DEFA4: variants seen among roughly 807,000 people sequenced by gnomAD.
The protein encoded by DEFA4 is defensin alpha 4.
A neutral mutation model predicts 4.4 loss-of-function variants in DEFA4; 8 were observed. The observed-to-expected ratio is 1.82, with a 90% confidence interval of 1.07 to 3.29. The LOEUF (loss-of-function observed/expected upper bound fraction) is 3.29. Among genes scored for constraint, DEFA4 ranks in the 30% most tolerant of loss-of-function variants. The pLI is 0.00. For missense variants in DEFA4, 216 were observed against 127.0 expected (o/e 1.70, Z -3.37); for synonymous variants, 77 against 46.5 (o/e 1.66, Z -2.67).
intron 2 of DEFA4, 53 bp downstream of exon 2, chr8:6,936,675 T>A: frequency 6.8e-7 from 1 of 1,481,238 alleles, no homozygotes; most frequent in Non-Finnish European, 9.0e-7. Flanking sequence ...CCAGAGCCCA[T>A]CTCCCATCCG....
chr8:6,936,671 C>A, intron 2 of DEFA4, 57 bp downstream of exon 2: 2 of 1,471,942 alleles, frequency 1.4e-6, no homozygotes, highest in South Asian at 1.5e-5. Context: ...GATTCCAGAG[C>A]CCATCTCCCA....
At position 6,936,113 on chromosome 8, in the gene DEFA4, G is replaced by C. The variant is rs754112985; in HGVS notation, c.201C>G (p.Cys67Trp). Residue 67 changes from cysteine to tryptophan, a missense_variant, in exon 3 of 3, where the codon TGC (cysteine) becomes TGG (tryptophan). By Grantham distance (215) the Cys-to-Trp change is radical (BLOSUM62 -2). Transcript: ENST00000297435. ...SGSTRGMVCS[C>W]RLVFCRRTEL... ...CTGTTCGCCGGCAGAATACTAATCT[G>C]CAAGAGCAGACCATGCCCCTTGTTG... 1 of 1,614,006 alleles carries C rather than the reference G, an allele frequency of 6.2e-7. No individual in the cohort carries two copies. The highest frequency in any genetic ancestry group is 8.5e-7 in the Non-Finnish European group (1 of 1,180,014).
At position 6,938,237 on chromosome 8, in the gene DEFA4, C is replaced by T. The variant is rs1297885210; in HGVS notation, c.-24G>A. The T allele has an allele frequency of 6.6e-6, 1 of 152,170 alleles. No individual in the cohort carries two copies. The allele number at this position is 152,170 out of a possible 1,614,324, so 9.4% of individuals were successfully genotyped here. On this transcript the variant is annotated 5_prime_UTR_variant, in exon 1 of 3. Coordinates refer to ENST00000297435, the MANE Select transcript of DEFA4 (RefSeq NM_001925.3). The stretch of plus-strand genomic sequence containing the variant: ...TTTGTGTTACTTACAGATCCTCAAG[C>T]TAGGCAGGGCGAGCAGAGAGGGCAG...
chr8:6,935,971 C>T lies in DEFA4; in HGVS notation c.*49G>A. The T allele has an allele frequency of 1.2e-6, 2 of 1,611,644 alleles. No individual in the cohort carries two copies. Among genetic ancestry groups the T allele is most frequent in the South Asian group, 1.1e-5 (1 of 90,834 alleles). On this transcript the variant is annotated 3_prime_UTR_variant, in exon 3 of 3. Coordinates refer to ENST00000297435, the MANE Select transcript of DEFA4 (RefSeq NM_001925.3). ...GCTGCAGAAGCATGTGAAGCTAACA[C>T]CACCGATGATGGCGTTCCCAGCATG...
chr8:6,936,225 GGCTGACC>G, intron 2 of DEFA4, 84 bp from the exon 3 acceptor site: 1 of 1,569,692 alleles, frequency 6.4e-7, no homozygotes, highest in Non-Finnish European at 8.7e-7. Flanking sequence ...GTCACATGCT[GGCTGACC>G]GGTGATGCTG....
chr8:6,936,106 C>T lies in DEFA4; in HGVS notation c.208G>A (p.Val70Ile), dbSNP rs927269225. 1 of 1,613,912 alleles carries T rather than the reference C, an allele frequency of 6.2e-7. No individual in the cohort carries two copies. The highest frequency in any genetic ancestry group is 1.3e-5 in the African/African-American group (1 of 74,916). ...CGAAGTTCTGTTCGCCGGCAGAATA[C>T]TAATCTGCAAGAGCAGACCATGCCC... Reference protein sequence around the residue: ...TRGMVCSCRLVFCRRTELRVG... With the variant: ...TRGMVCSCRLIFCRRTELRVG... The change falls in exon 3 of 3, where the codon GTA becomes ATA. Residue 70 changes from valine (V) to isoleucine (I), a missense_variant. Physicochemically the swap from Val to Ile is conservative, Grantham distance 29. Transcript: ENST00000297435.
At chr8:6,936,618 A>G in intron 2 of DEFA4, 110 bp downstream of exon 2, 1 of 1,141,996 alleles carries the variant, frequency 8.8e-7, no homozygotes, top group Non-Finnish European at 1.2e-6. Context: ...AGGCCCAGAG[A>G]TGGTAAGTAA....
chr8:6,937,431 A>G (rs995673472), intron 1 of DEFA4, among the ~76,000 whole-genome samples: 1 of 152,108 alleles, frequency 6.6e-6, no homozygotes, highest in Non-Finnish European at 1.5e-5. Flanking sequence ...TGGGGTGAGT[A>G]GTCTCCTGTA....
chr8:6,936,360 C>G (rs1011227325), intron 2 of DEFA4, among the ~76,000 whole-genome samples: 1 of 152,140 alleles, frequency 6.6e-6, no homozygotes, highest in East Asian at 1.9e-4. Context: ...TGTGCTTTTG[C>G]CCCATCAGAC....
chr8:6,936,551 AAAG>A, intron 2 of DEFA4, among the ~76,000 whole-genome samples, 174 bp downstream of exon 2: 1 of 152,154 alleles, frequency 6.6e-6, no homozygotes, highest in Non-Finnish European at 1.5e-5. Flanking sequence ...GTCTTTGGAG[AAAG>A]AAGACTACTT....
Position 6,936,716 on chromosome 8 carries a change from G to C in DEFA4, c.172+12C>G. 2 of 1,577,926 alleles carry C rather than the reference G, an allele frequency of 1.3e-6. No homozygotes were observed. The highest frequency in any genetic ancestry group is 2.7e-5 in the African/African-American group (2 of 73,820). On this transcript the variant is annotated intron_variant, in intron 2 of 2. Coordinates refer to ENST00000297435, the MANE Select transcript of DEFA4 (RefSeq NM_001925.3). ...CTAGACTCGGTAGCTTTTTTATGCT[G>C]GCCTCTCTCACCTGAAACCTGAAGA...
Position 6,936,768 on chromosome 8 carries a change from A to T in DEFA4, c.132T>A (p.Ile44=). ...CAGAGCTTTTATCCCATGCAAAGGA[A>T]ATAGATATGTCCTGGTCTTCTGGCC... is the stretch of plus-strand genomic sequence containing the variant. ...QRGPEDQDIS[I]SFAWDKSSAL... Residue 44 remains isoleucine (I), a synonymous_variant, in exon 2 of 3, where the codon ATT becomes ATA. Transcript: ENST00000297435. The T allele has an allele frequency of 6.2e-7, 1 of 1,612,852 alleles. No homozygotes were observed. The highest frequency in any genetic ancestry group is 2.2e-5 in the East Asian group (1 of 44,852).
In DEFA4 at chr8:6,936,135, G is replaced by A. The variant is rs751364788; in HGVS notation, c.179C>T (p.Thr60Ile). ...KSSALQVSGS[T>I]RGMVCSCRLV... ...TCTGCAAGAGCAGACCATGCCCCTT[G>A]TTGAGCCTGGGAACACAGAGGAAGC... Residue 60 changes from threonine to isoleucine, a missense_variant, in exon 3 of 3, where the codon ACA (threonine) becomes ATA (isoleucine). By Grantham distance (89) the Thr-to-Ile change is moderately conservative. Transcript: ENST00000297435. The A allele has an allele frequency of 1.2e-6, 2 of 1,613,888 alleles. No homozygotes were observed. The highest frequency in any genetic ancestry group is 2.2e-5 in the South Asian group (2 of 90,982).
rs753429425 is a variant in DEFA4 at position 6,936,798 on chromosome 8, C to A, written c.102G>T (p.Gln34His). Residue 34 changes from glutamine to histidine, a missense_variant, in exon 2 of 3, where the codon CAG (glutamine) becomes CAT (histidine). Physicochemically the swap from Gln to His is conservative, Grantham distance 24. Coordinates refer to ENST00000297435, the MANE Select transcript of DEFA4 (RefSeq NM_001925.3). ...ARGDEAPGQE[Q>H]RGPEDQDISI... ...ATATGTCCTGGTCTTCTGGCCCACG[C>A]TGCTCCTGGCCTGGAGCCTCATCAC... The A allele has an allele frequency of 6.2e-7, 1 of 1,613,810 alleles. No individual in the cohort carries two copies. The highest frequency in any genetic ancestry group is 1.1e-5 in the South Asian group (1 of 90,870).
chr8:6,936,906 G>T lies in DEFA4; in HGVS notation c.-7C>A, dbSNP rs755303142. 2.5e-6 allele frequency: 4 copies of T among 1,589,430 alleles called. No individual in the cohort carries two copies. The highest frequency in any genetic ancestry group is 2.6e-6 in the Non-Finnish European group (3 of 1,165,816). ...GGAGGGCGATAATCCTCATGGCTGG[G>T]GTGACCTGGAGGAGGGAGAGCAGGA... On this transcript the variant is annotated 5_prime_UTR_variant, in exon 2 of 3. Transcript: ENST00000297435.
chr8:6,937,058 C>G (rs769974966), intron 1 of DEFA4, 147 bp from the exon 2 acceptor site: 5 of 609,570 alleles, frequency 8.2e-6, no homozygotes, highest in Non-Finnish European at 1.3e-5. Flanking sequence ...GATGCCGACT[C>G]CTATTGGCCT....
chr8:6,936,114 C>T lies in DEFA4; in HGVS notation c.200G>A (p.Cys67Tyr), dbSNP rs1373866978. 5 of 1,613,988 alleles carry T rather than the reference C, an allele frequency of 3.1e-6. No homozygotes were observed. Among genetic ancestry groups the T allele is most frequent in the Non-Finnish European group, 4.2e-6 (5 of 1,180,024 alleles). Residue 67 changes from cysteine (C) to tyrosine (Y), a missense_variant, in exon 3 of 3, where the codon TGC becomes TAC. Cys to Tyr is a radical substitution (Grantham distance 194). Coordinates refer to ENST00000297435, the MANE Select transcript of DEFA4 (RefSeq NM_001925.3). The part of the protein sequence containing the change: ...SGSTRGMVCS[C>Y]RLVFCRRTEL... ...TGTTCGCCGGCAGAATACTAATCTG[C>T]AAGAGCAGACCATGCCCCTTGTTGA...
chr8:6,938,176 G>T (rs867593270), intron 1 of DEFA4, 50 bp downstream of exon 1: 1 of 152,146 alleles, frequency 6.6e-6, no homozygotes, highest in South Asian at 2.1e-4. Flanking sequence ...TGGGGACACA[G>T]CTTCAATATT....
At chr8:6,937,239 A>G (rs551228739) in intron 1 of DEFA4, among the ~76,000 whole-genome samples, 1 of 152,174 alleles carries the variant, frequency 6.6e-6, no homozygotes, top group Non-Finnish European at 1.5e-5. Flanking sequence ...TCTAAAAAGA[A>G]TGGAAACAGT....
Sources: gnomAD v4.1 joint callset for allele counts (sites outside exome capture counted in the v4.1 genomes callset) on GRCh38, gnomAD v4.1.1 for gene constraint, MANE v1.5 for transcripts, NCBI Gene and HGNC (gene_info 2026-07-23, HGNC 2026-07-21) for gene names.